Variants in CFAP73 observed in about 807,000 individuals in gnomAD.
CFAP73 encodes cilia- and flagella-associated protein 73.
In CFAP73, 33 loss-of-function variants were observed where a neutral mutation model predicts 42.9. That is an observed-to-expected ratio of 0.77 (90% CI 0.58 to 1.03). The LOEUF is 1.03. Among genes scored for constraint, CFAP73 ranks in the 50% least tolerant of loss-of-function variants. The pLI, the probability that CFAP73 is intolerant of heterozygous loss-of-function variation, is 0.00. For synonymous variants in CFAP73, 162 were observed against 186.8 expected (o/e 0.87, Z 1.08); for missense variants, 392 against 411.9 (o/e 0.95, Z 0.42).
chr12:113,150,027 T>C, intron 1 of CFAP73, 114 bp downstream of exon 1: 5 of 963,552 alleles, frequency 5.2e-6, no homozygotes, highest in African/African-American at 1.6e-5. Context: ...ATAGTGGGGG[T>C]TATTGTCCCC....
intron 1 of CFAP73, among the ~76,000 whole-genome samples, chr12:113,150,688 A>C (rs1952054007): frequency 6.6e-6 from 1 of 152,084 alleles, no homozygotes; most frequent in South Asian, 2.1e-4. Context: ...CTTGCTCCTC[A>C]AAGCAGCCAG....
intron 3 of CFAP73, 35 bp downstream of exon 3, chr12:113,152,922 A>G (rs555520862): frequency 2.8e-6 from 4 of 1,437,364 alleles, no homozygotes; most frequent in Admixed American, 3.9e-5. Context: ...GGCGGGGCCT[A>G]TGGGTAGCAG....
intron 6 of CFAP73, 58 bp from the exon 7 acceptor site, chr12:113,157,544 G>A (rs1467260471): frequency 1.4e-6 from 2 of 1,457,870 alleles, no homozygotes; most frequent in Non-Finnish European, 1.9e-6. Flanking sequence ...GTGTTGAGGG[G>A]TGGGGGCTGG....
At chr12:113,151,547 C>T (rs1231701492) in intron 1 of CFAP73, among the ~76,000 whole-genome samples, 1 of 151,896 alleles carries the variant, frequency 6.6e-6, no homozygotes, top group Non-Finnish European at 1.5e-5. Context: ...AATCCCAACA[C>T]TTTGGGAGGC....
chr12:113,150,776 T>C (rs754441801), intron 1 of CFAP73, among the ~76,000 whole-genome samples: 4 of 152,130 alleles, frequency 2.6e-5, no homozygotes, highest in Non-Finnish European at 5.9e-5. Context: ...CCACTCACCA[T>C]GGCCCACCGC....
intron 6 of CFAP73, among the ~76,000 whole-genome samples, chr12:113,155,976 G>T (rs1353845827): frequency 6.7e-6 from 1 of 150,158 alleles, no homozygotes; most frequent in Non-Finnish European, 1.5e-5. Context: ...CACCTAGGCT[G>T]GAGTGCAGTG....
chr12:113,154,660 C>T lies in CFAP73; in HGVS notation c.690+25C>T, dbSNP rs747086199. 5.8e-6 allele frequency: 8 copies of T among 1,381,160 alleles called. No individual in the cohort carries two copies. The highest frequency in any genetic ancestry group is 7.4e-5 in the Admixed American group (2 of 26,846). The allele number at this position is 1,381,160 out of a possible 1,614,324, so 85.6% of individuals were successfully genotyped here. A position where few individuals can be genotyped will look rare whatever the true frequency, so the allele number is the denominator to read the frequency against. ...GGTACGACCCGCCCTAGGTGGGGGG[C>T]GCTCCGGACCCCAGGCTTCCACAGC... On this transcript the variant is annotated intron_variant, in intron 5 of 7. Coordinates refer to ENST00000335621, the MANE Select transcript of CFAP73 (RefSeq NM_001144872.3). This position sits in a 1 kb window ranked among gnomAD's most constrained non-coding sequence, Gnocchi z 4.7.
chr12:113,150,639 C>T (rs544242528), intron 1 of CFAP73, among the ~76,000 whole-genome samples: 45 of 152,276 alleles, frequency 3.0e-4, no homozygotes, highest in Non-Finnish European at 5.6e-4. Flanking sequence ...TGGAATATCC[C>T]GTGGCCCCAC....
chr12:113,156,321 G>C (rs1421182682), intron 6 of CFAP73, among the ~76,000 whole-genome samples: 2 of 152,016 alleles, frequency 1.3e-5, no homozygotes, highest in Admixed American at 6.5e-5. Flanking sequence ...TGGAGGAAAA[G>C]TAAAGGTGTA....
At chr12:113,151,841 A>G in intron 1 of CFAP73, 77 bp from the exon 2 acceptor site, 2 of 949,650 alleles carry the variant, frequency 2.1e-6, no homozygotes. Flanking sequence ...CTAATGGGGC[A>G]CTCCAGACAC....
intron 1 of CFAP73, 93 bp from the exon 2 acceptor site, chr12:113,151,825 A>G (rs1271434136): frequency 1.5e-5 from 11 of 744,480 alleles, no homozygotes; most frequent in Non-Finnish European, 2.0e-5. Context: ...AACAGCCAGC[A>G]GGTGGCTAAT....
intron 2 of CFAP73, 42 bp from the exon 3 acceptor site, chr12:113,152,741 G>A (rs1031610791): frequency 3.5e-6 from 5 of 1,421,702 alleles, no homozygotes; most frequent in Admixed American, 3.9e-5. Flanking sequence ...GGGAGGACCC[G>A]GACCCCCGAA....
chr12:113,158,912 G>A lies in CFAP73; in HGVS notation c.*223G>A, dbSNP rs529251320. 38 of 1,607,960 alleles carry A rather than the reference G, an allele frequency of 2.4e-5. No individual in the cohort carries two copies. The highest frequency in any genetic ancestry group is 2.0e-4 in the South Asian group (18 of 90,692). ...TTCCGCATCTTGCCCTTCTTGGAGC[G>A]GGCACCCCGGCCGAAGGCGCCCTGC... On this transcript the variant is annotated 3_prime_UTR_variant, in exon 8 of 8. Coordinates refer to ENST00000335621, the MANE Select transcript of CFAP73 (RefSeq NM_001144872.3). The surrounding 1 kb of genome is among the most constrained non-coding windows in gnomAD (Gnocchi z 4.9).
chr12:113,150,391 C>T (rs1452013064), intron 1 of CFAP73, among the ~76,000 whole-genome samples: 1 of 152,116 alleles, frequency 6.6e-6, no homozygotes, highest in Non-Finnish European at 1.5e-5. Context: ...CTCCCTTTCT[C>T]CCGGGGCGCT....
In CFAP73 at chr12:113,153,417, G is replaced by A. The variant is rs1028190977; in HGVS notation, c.468+9G>A. On this transcript the variant is annotated intron_variant, in intron 4 of 7. Coordinates refer to ENST00000335621, the MANE Select transcript of CFAP73 (RefSeq NM_001144872.3). ...TGGAGCTGCTGCCCGGGGTGAGTCC[G>A]GGGCAGGAGGCTGGGAGCTCGGCGC... The A allele has an allele frequency of 7.1e-7, 1 of 1,403,528 alleles. No individual in the cohort carries two copies. Among genetic ancestry groups the A allele is most frequent in the Admixed American group, 3.3e-5 (1 of 30,294 alleles). 86.9% of individuals were successfully genotyped at this position (1,403,528 alleles called of 1,614,324 possible).
At chr12:113,155,806 A>C (rs1342959995) in intron 6 of CFAP73, among the ~76,000 whole-genome samples, 1 of 151,864 alleles carries the variant, frequency 6.6e-6, no homozygotes, top group Non-Finnish European at 1.5e-5. Context: ...TGAGGTCCAG[A>C]CTCGCTCTTC....
rs1226578326 is a variant in CFAP73, at chr12:113,149,923, A to T, written c.56+10A>T. The T allele has an allele frequency of 1.9e-6, 3 of 1,550,952 alleles. No homozygotes were observed. The East Asian group carries it at 7.3e-5, about 38-fold the overall frequency. ...AAGAGAAACTGTCTACGTGAGTGGG[A>T]CGTAGAGGGAGGGAGGGCTAGAAGG... On this transcript the variant is annotated intron_variant, in intron 1 of 7. Transcript: ENST00000335621.
chr12:113,152,168 A>G lies in CFAP73; in HGVS notation c.162+145A>G, dbSNP rs1952069822. The G allele has an allele frequency of 4.7e-6, 3 of 634,414 alleles. No individual in the cohort carries two copies. In the South Asian group the frequency reaches 5.7e-5, roughly 12 times the overall value. 39.3% of individuals were successfully genotyped at this position (634,414 alleles called of 1,614,324 possible). A position where few individuals can be genotyped will look rare whatever the true frequency, so the allele number is the denominator to read the frequency against. ...CGTCAAATGGGGATCAAATGAGACC[A>G]GTTGTTGGTGCAAATAAATTTGTGT... On this transcript the variant is annotated intron_variant, in intron 2 of 7. Coordinates refer to ENST00000335621, the MANE Select transcript of CFAP73 (RefSeq NM_001144872.3).
chr12:113,151,768 C>G, intron 1 of CFAP73, 150 bp from the exon 2 acceptor site: 1 of 534,620 alleles, frequency 1.9e-6, no homozygotes, highest in Non-Finnish European at 3.2e-6. Flanking sequence ...GCCTGGGTGA[C>G]AAAGCAAGAC....
Sources: allele counts gnomAD v4.1 joint callset (sites outside exome capture counted in the v4.1 genomes callset), GRCh38; gene constraint gnomAD v4.1.1; non-coding constraint Gnocchi (gnomAD v3.1); transcripts MANE v1.5; gene names NCBI Gene and HGNC (gene_info 2026-07-23, HGNC 2026-07-21).